Variants in ZMYM2 observed in about 807,000 individuals in gnomAD.
ZMYM2 encodes the protein zinc finger MYM-type protein 2.
In ZMYM2, 56 loss-of-function variants were observed where a neutral mutation model predicts 162.8. The ratio of observed to expected loss-of-function variants is 0.34; its 90% CI spans 0.28 to 0.43. The LOEUF is 0.43. ZMYM2 is among the 20% of genes least tolerant of loss of function. The pLI is 1.00. For missense variants in ZMYM2, 1,275 were observed against 1,621.8 expected (o/e 0.79, Z 3.67); for synonymous variants, 510 against 541.6 (o/e 0.94, Z 0.81).
intron 2 of ZMYM2, among the ~76,000 whole-genome samples, chr13:19,976,866 A>G (rs949083493): frequency 2.0e-5 from 3 of 152,228 alleles, no homozygotes; most frequent in African/African-American, 4.8e-5. Context: ...TTGGAAGGGT[A>G]TAATGAAGTC....
intron 2 of ZMYM2, among the ~76,000 whole-genome samples, chr13:19,964,162 AGG>A (rs199707040): frequency 0.046 from 7,059 of 152,122 alleles, 462 homozygotes; most frequent in African/African-American, 0.15. Context: ...GGATCACCTG[AGG>A]TCAAGAGTTC....
At chr13:20,008,501 C>T (rs1000278965) in intron 6 of ZMYM2, among the ~76,000 whole-genome samples, 18 of 152,164 alleles carry the variant, frequency 1.2e-4, no homozygotes, top group African/African-American at 3.9e-4. Context: ...CTATGGGAAA[C>T]GACATAGTAT....
the ZMYM2 span, among the ~76,000 whole-genome samples, chr13:19,879,645 T>A: frequency 1.3e-5 from 2 of 152,210 alleles, no homozygotes; most frequent in African/African-American, 2.4e-5. Flanking sequence ...AGATTTCATA[T>A]AAATTTTAGA....
chr13:19,875,666 T>G, the ZMYM2 span, among the ~76,000 whole-genome samples: 1 of 150,010 alleles, frequency 6.7e-6, no homozygotes, highest in African/African-American at 2.4e-5. Context: ...TGTTATTGTT[T>G]CCTTTGCAGC....
chr13:19,971,262 A>ATATATATATATATATATATT (rs1329532735), intron 2 of ZMYM2, among the ~76,000 whole-genome samples: 6 of 78,326 alleles, frequency 7.7e-5, no homozygotes, highest in South Asian at 4.2e-4. Flanking sequence ...ATATATATAT[A>ATATATATATATATATATATT]TTTTTTTTTT....
the ZMYM2 span, among the ~76,000 whole-genome samples, chr13:19,866,094 C>T: frequency 2.6e-5 from 4 of 151,612 alleles, no homozygotes; most frequent in African/African-American, 9.7e-5. Flanking sequence ...CAATGGCCCA[C>T]GCCTGTAATC....
At chr13:20,025,567 C>G (rs1952504946) in intron 7 of ZMYM2, 1 of 158,984 alleles carries the variant, frequency 6.3e-6, no homozygotes, top group Non-Finnish European at 1.4e-5. Flanking sequence ...CTCAAGCATT[C>G]CACCTCCCTA....
chr13:20,040,705 A>G (rs1233470893), intron 12 of ZMYM2, among the ~76,000 whole-genome samples: 1 of 152,016 alleles, frequency 6.6e-6, no homozygotes, highest in Non-Finnish European at 1.5e-5. Context: ...AGGTTGTTAA[A>G]TTGAGATCTT....
At chr13:19,866,595 G>A in the ZMYM2 span, among the ~76,000 whole-genome samples, 1 of 152,162 alleles carries the variant, frequency 6.6e-6, no homozygotes, top group Non-Finnish European at 1.5e-5. Flanking sequence ...TACCTGGGAG[G>A]TGGGGTTGCG....
chr13:19,980,270 C>T (rs1594144583), intron 2 of ZMYM2, among the ~76,000 whole-genome samples: 1 of 152,032 alleles, frequency 6.6e-6, no homozygotes, highest in Non-Finnish European at 1.5e-5. Context: ...TTGTTTTATA[C>T]TACTTTTCTG....
At chr13:19,978,358 G>T (rs913634122) in intron 2 of ZMYM2, among the ~76,000 whole-genome samples, 1 of 151,630 alleles carries the variant, frequency 6.6e-6, no homozygotes, top group African/African-American at 2.4e-5. Flanking sequence ...TAATATTATT[G>T]TCATAGATTA....
At chr13:19,927,365 AAC>A in the ZMYM2 span, among the ~76,000 whole-genome samples, 1 of 152,078 alleles carries the variant, frequency 6.6e-6, no homozygotes, top group African/African-American at 2.4e-5. Context: ...TCACAGAGAC[AAC>A]ACACACACAC....
At chr13:19,878,672 C>T in the ZMYM2 span, among the ~76,000 whole-genome samples, 233 of 152,106 alleles carry the variant, frequency 1.5e-3, 2 homozygotes, top group East Asian at 1.7e-3. Flanking sequence ...CAGGCACTCA[C>T]CACCATGCCT....
At chr13:20,051,645 T>A in intron 13 of ZMYM2, 47 bp downstream of exon 13, 1 of 1,522,948 alleles carries the variant, frequency 6.6e-7, no homozygotes, top group Non-Finnish European at 8.8e-7. Context: ...TACATCAGTC[T>A]TTACGTAGTT....
intron 2 of ZMYM2, among the ~76,000 whole-genome samples, chr13:19,973,983 G>A: frequency 6.6e-6 from 1 of 152,164 alleles, no homozygotes; most frequent in East Asian, 1.9e-4. Context: ...GGGCATATAA[G>A]AAAACTTTAA....
At chr13:20,013,662 T>C (rs890226003) in intron 6 of ZMYM2, among the ~76,000 whole-genome samples, 6 of 152,324 alleles carry the variant, frequency 3.9e-5, no homozygotes, top group Admixed American at 2.0e-4. Context: ...ATTTTTCAAA[T>C]GCTTTTTCTA....
the ZMYM2 span, among the ~76,000 whole-genome samples, chr13:19,935,782 A>G: frequency 6.6e-6 from 1 of 152,032 alleles, no homozygotes; most frequent in South Asian, 2.1e-4. Context: ...TAGGATACAG[A>G]GTAATATCCT....
At position 20,088,494 on chromosome 13, in the gene ZMYM2, A is replaced by G. The variant is rs1179894262; in HGVS notation, c.*2480A>G. The G allele has an allele frequency of 5.0e-6, 1 of 199,910 alleles. No individual in the cohort carries two copies. The highest frequency in any genetic ancestry group is 1.0e-5 in the Non-Finnish European group (1 of 96,880). 12.4% of individuals were successfully genotyped at this position (199,910 alleles called of 1,614,324 possible). On this transcript the variant is annotated 3_prime_UTR_variant, in exon 25 of 25. Coordinates refer to ENST00000610343, the MANE Select transcript of ZMYM2 (RefSeq NM_197968.4). ...TTTTGCCATTTAAAATGATCCAGTG[A>G]AAAATATTTATCCACATTGAAGAAA... is the stretch of plus-strand genomic sequence containing the variant.
At chr13:20,006,275 G>T in intron 5 of ZMYM2, 99 bp from the exon 6 acceptor site, 2 of 1,230,042 alleles carry the variant, frequency 1.6e-6, no homozygotes, top group Non-Finnish European at 2.2e-6. Context: ...CTCCAAACAA[G>T]CCTTATTAGG....
Sources: gnomAD v4.1 joint callset for allele counts (sites outside exome capture counted in the v4.1 genomes callset) on GRCh38, gnomAD v4.1.1 for gene constraint, MANE v1.5 for transcripts, NCBI Gene and HGNC (gene_info 2026-07-23, HGNC 2026-07-21) for gene names.